The following DRC8 variants were observed in gnomAD, a reference collection of about 807,000 sequenced individuals.
The protein encoded by DRC8 is dynein regulatory complex protein 8.
chr1:245,030,039 A>G, the DRC8 span, among the ~76,000 whole-genome samples: 2 of 152,344 alleles, frequency 1.3e-5, no homozygotes, highest in Middle Eastern at 3.4e-3. Flanking sequence ...TGTGGCTTCC[A>G]GATTCATTCG....
chr1:244,981,265 G>C, the DRC8 span, among the ~76,000 whole-genome samples: 1 of 151,846 alleles, frequency 6.6e-6, no homozygotes, highest in Non-Finnish European at 1.5e-5. Flanking sequence ...GTAAAAATCA[G>C]TAATTGAACA....
At chr1:245,007,337 A>G in the DRC8 span, among the ~76,000 whole-genome samples, 1 of 152,192 alleles carries the variant, frequency 6.6e-6, no homozygotes, top group African/African-American at 2.4e-5. Flanking sequence ...ATAATCTTTG[A>G]TTGGATTTTA....
chr1:244,997,941 G>A, the DRC8 span, among the ~76,000 whole-genome samples: 1 of 139,182 alleles, frequency 7.2e-6, no homozygotes, highest in African/African-American at 2.7e-5. Flanking sequence ...AAAGACTTTG[G>A]CACTCTTTTC....
chr1:245,073,484 T>A, the DRC8 span, among the ~76,000 whole-genome samples: 1 of 152,052 alleles, frequency 6.6e-6, no homozygotes, highest in Admixed American at 6.6e-5. Flanking sequence ...GGATGCTGAT[T>A]GTAGGGGAGG....
the DRC8 span, chr1:245,083,333 C>G: frequency 1.0e-6 from 1 of 966,642 alleles, no homozygotes; most frequent in East Asian, 2.4e-5. Context: ...GAAGAATTGT[C>G]TTCCATGAAA....
the DRC8 span, among the ~76,000 whole-genome samples, chr1:245,028,315 A>G: frequency 6.6e-6 from 1 of 152,186 alleles, no homozygotes. Context: ...AGAATTTAAC[A>G]TATTTCCTAA....
chr1:245,077,904 A>G, the DRC8 span, among the ~76,000 whole-genome samples: 1 of 152,234 alleles, frequency 6.6e-6, no homozygotes, highest in Non-Finnish European at 1.5e-5. Flanking sequence ...TTCTGCATGC[A>G]AAAGAAACAA....
the DRC8 span, among the ~76,000 whole-genome samples, chr1:245,077,005 G>A: frequency 5.2e-4 from 79 of 152,232 alleles, 1 homozygote; most frequent in Non-Finnish European, 8.4e-4. Context: ...GATTACAGGC[G>A]TGAAATACAG....
the DRC8 span, among the ~76,000 whole-genome samples, chr1:245,006,835 A>G: frequency 0.86 from 131,082 of 151,998 alleles, 56,959 homozygotes; most frequent in East Asian, 1. Flanking sequence ...TTGGGGAGCT[A>G]AGGTGGGAGG....
At chr1:245,022,661 A>G in the DRC8 span, among the ~76,000 whole-genome samples, 1 of 152,130 alleles carries the variant, frequency 6.6e-6, no homozygotes, top group Non-Finnish European at 1.5e-5. Context: ...AGTTTTCTCT[A>G]ATTCTTCCAG....
the DRC8 span, among the ~76,000 whole-genome samples, chr1:245,083,037 C>T: frequency 6.6e-6 from 1 of 152,014 alleles, no homozygotes; most frequent in African/African-American, 2.4e-5. Flanking sequence ...TCATTTATTA[C>T]GGGGATCCCC....
chr1:245,116,131 G>A, the DRC8 span, among the ~76,000 whole-genome samples: 4 of 151,644 alleles, frequency 2.6e-5, no homozygotes, highest in African/African-American at 4.8e-5. Flanking sequence ...CAAGTGATCC[G>A]CCTGCCTCAG....
the DRC8 span, among the ~76,000 whole-genome samples, chr1:245,100,016 T>C: frequency 6.6e-6 from 1 of 152,168 alleles, no homozygotes; most frequent in Non-Finnish European, 1.5e-5. Flanking sequence ...TTTTTTTCAG[T>C]AGGTATATTT....
the DRC8 span, among the ~76,000 whole-genome samples, chr1:244,989,707 G>T: frequency 6.6e-6 from 1 of 152,140 alleles, no homozygotes; most frequent in African/African-American, 2.4e-5. Context: ...CACTCAAGGA[G>T]TATGGAGTTA....
the DRC8 span, among the ~76,000 whole-genome samples, chr1:244,974,818 C>T: frequency 6.6e-6 from 1 of 152,214 alleles, no homozygotes; most frequent in Non-Finnish European, 1.5e-5. Context: ...ACCTCAGCCT[C>T]CCAAGTAGCT....
At chr1:245,010,962 T>G in the DRC8 span, among the ~76,000 whole-genome samples, 5 of 152,160 alleles carry the variant, frequency 3.3e-5, no homozygotes, top group African/African-American at 4.8e-5. Context: ...ATTACAGGTG[T>G]GAGCCACCGC....
chr1:245,066,673 C>T, the DRC8 span, among the ~76,000 whole-genome samples: 2 of 151,988 alleles, frequency 1.3e-5, no homozygotes, highest in South Asian at 2.1e-4. Flanking sequence ...TTTGGGAGGC[C>T]GAGGTGGGCG....
the DRC8 span, among the ~76,000 whole-genome samples, chr1:244,985,965 T>A: frequency 1.3e-5 from 2 of 151,982 alleles, no homozygotes; most frequent in Non-Finnish European, 2.9e-5. Context: ...TTTCTTTTAT[T>A]TTTTTTTCAG....
chr1:245,051,646 A>C, the DRC8 span, among the ~76,000 whole-genome samples: 237 of 152,192 alleles, frequency 1.6e-3, no homozygotes, highest in African/African-American at 5.2e-3. Context: ...CATTTAGAAG[A>C]AGTGTTGTGA....
Sources: gnomAD v4.1 joint callset for allele counts (sites outside exome capture counted in the v4.1 genomes callset) on GRCh38, gnomAD v4.1.1 for gene constraint, MANE v1.5 for transcripts, NCBI Gene and HGNC (gene_info 2026-07-23, HGNC 2026-07-21) for gene names.